The following CSTF1 variants were observed in gnomAD, a reference collection of about 807,000 sequenced individuals.
CSTF1 encodes CF-1 50 kDa subunit.
In CSTF1, 2 loss-of-function variants were observed where a neutral mutation model predicts 40.9. The ratio of observed to expected loss-of-function variants is 0.05; its 90% confidence interval spans 0.02 to 0.15. The LOEUF (loss-of-function observed/expected upper bound fraction) is 0.15, where lower values mean the gene tolerates loss of function less well. CSTF1 is among the 10% of genes least tolerant of loss of function. The pLI, the probability that CSTF1 is intolerant of heterozygous loss-of-function variation, is 1.00. For synonymous variants in CSTF1, 218 were observed against 207.2 expected, an observed-to-expected ratio of 1.05 and a Z score of -0.45; for missense variants, 279 against 558.9, an observed-to-expected ratio of 0.50 and a Z score of 5.05.
Position 56,394,297 on chromosome 20 carries a change from G to A in CSTF1, c.-32-1224G>A, listed in dbSNP as rs139468731. ...GTGTCATACAGTGTGTAAGAAATCA[G>A]GCTCTGGGCCAGGCGCAGTGGCTCG... On this transcript the variant is annotated intron_variant, in intron 1 of 5. Transcript: ENST00000217109. 2.6e-5 allele frequency among the ~76,000 whole-genome samples: 4 copies of A among 152,304 alleles called. No individual in the cohort carries two copies. The South Asian group carries it at 8.3e-4, about 32-fold the overall frequency.
At chr20:56,393,065 C>A (rs1036658032) in intron 1 of CSTF1, among the ~76,000 whole-genome samples, 2 of 151,962 alleles carry the variant, frequency 1.3e-5, no homozygotes, top group Admixed American at 6.6e-5. Flanking sequence ...TTCTGTTTAC[C>A]TGGCGAGTGA....
At chr20:56,395,847 A>G in intron 2 of CSTF1, 126 bp downstream of exon 2, 1 of 990,242 alleles carries the variant, frequency 1.0e-6, no homozygotes, top group Non-Finnish European at 1.5e-6. Context: ...TTCAGTAAGT[A>G]AGTAGTTCAG....
rs777593542 is a variant in CSTF1, at chr20:56,403,502, A to G, written c.1071A>G (p.Thr357=). The G allele has an allele frequency of 3.3e-5, 54 of 1,614,022 alleles. No individual in the cohort carries two copies. Among genetic ancestry groups the G allele is most frequent in the Admixed American group, 5.0e-5 (3 of 60,000 alleles). ...AGLSGRQVHR[T]QAVFNHTEDY... is the part of the protein sequence containing the mutation. ...TAAGTGGACGCCAGGTGCACCGGAC[A>G]CAGGCTGTGTTTAACCACACCGAGG... Residue 357 remains threonine (T), a synonymous_variant, in exon 6 of 6, where the codon ACA becomes ACG. Transcript: ENST00000217109.
chr20:56,397,785 C>T lies in CSTF1; in HGVS notation c.589C>T (p.Leu197Phe), dbSNP rs1203276889. 1 of 1,614,142 alleles carries T rather than the reference C, an allele frequency of 6.2e-7. No individual in the cohort carries two copies. ...ILASGSRDYT[L>F]KLFDYSKPSA... ...GGCTTCTGGTTCAAGGGATTATACT[C>T]TTAAATTATTTGATTATTCCAAACC... The change falls in exon 4 of 6, where the codon CTT becomes TTT. Residue 197 changes from leucine (L) to phenylalanine (F), a missense_variant. By Grantham distance (22) the Leu-to-Phe change is conservative (BLOSUM62 0). Transcript: ENST00000217109. The surrounding 1 kb of genome is among the most constrained non-coding windows in gnomAD (Gnocchi z 4.4).
intron 1 of CSTF1, among the ~76,000 whole-genome samples, chr20:56,393,137 C>T (rs1237060809): frequency 7.5e-6 from 1 of 134,094 alleles, no homozygotes; most frequent in Non-Finnish European, 1.6e-5. Flanking sequence ...TATATACACA[C>T]ACACACACAT....
chr20:56,395,058 A>G (rs1030686579), intron 1 of CSTF1, among the ~76,000 whole-genome samples: 5 of 152,232 alleles, frequency 3.3e-5, no homozygotes, highest in Non-Finnish European at 7.3e-5. Context: ...AATGAGCATA[A>G]AAGATTAGTA....
chr20:56,401,790 TCA>T (rs1978465482), intron 5 of CSTF1, among the ~76,000 whole-genome samples: 1 of 152,204 alleles, frequency 6.6e-6, no homozygotes, highest in South Asian at 2.1e-4. Context: ...TTCTTAATCC[TCA>T]CAGCCTTATG....
chr20:56,399,893 C>T lies in CSTF1; in HGVS notation c.1036+536C>T, dbSNP rs552339422. Among the ~76,000 whole-genome samples the T allele has an allele frequency of 2.1e-3, 325 of 152,282 alleles. No individual in the cohort carries two copies. Among genetic ancestry groups the T allele is most frequent in the Non-Finnish European group, 3.9e-3 (268 of 68,024 alleles). ...AATTCTCATTTATGTATGTTGGTCT[C>T]ATTGGTAACAGTAGTGCCTGTGGAG... On this transcript the variant is annotated intron_variant, in intron 5 of 5. Coordinates refer to ENST00000217109, the MANE Select transcript of CSTF1 (RefSeq NM_001324.3). This position sits in a 1 kb window ranked among gnomAD's most constrained non-coding sequence, Gnocchi z 4.6.
At chr20:56,402,715 T>TCA (rs1421576810) in intron 5 of CSTF1, among the ~76,000 whole-genome samples, 1 of 152,070 alleles carries the variant, frequency 6.6e-6, no homozygotes, top group African/African-American at 2.4e-5. Context: ...AGCAGGTGGA[T>TCA]CACAAGGTCA....
At position 56,399,472 on chromosome 20, in the gene CSTF1, G is replaced by A; in HGVS notation, c.1036+115G>A. The stretch of plus-strand genomic sequence containing the variant: ...TATCTATGCATTGAGCAAGGCAGAT[G>A]TTACCCTTTCTTAGATAAGAGGAAA... On this transcript the variant is annotated intron_variant, in intron 5 of 5. Transcript: ENST00000217109. The surrounding 1 kb of genome is among the most constrained non-coding windows in gnomAD (Gnocchi z 4.6). 2 of 965,672 alleles carry A rather than the reference G, an allele frequency of 2.1e-6. No homozygotes were observed. Among genetic ancestry groups the A allele is most frequent in the Middle Eastern group, 3.2e-4 (1 of 3,130 alleles). 59.8% of individuals were successfully genotyped at this position (965,672 alleles called of 1,614,324 possible). A position where few individuals can be genotyped will look rare whatever the true frequency, so the allele number is the denominator to read the frequency against.
At position 56,393,129 on chromosome 20, in the gene CSTF1, T is replaced by C. The variant is rs185731519; in HGVS notation, c.-33+416T>C. On this transcript the variant is annotated intron_variant, in intron 1 of 5. Coordinates refer to ENST00000217109, the MANE Select transcript of CSTF1 (RefSeq NM_001324.3). ...GTGGGCCACTTAAAATATATATATA[T>C]ATACACACACACACACATATACATA... Among the ~76,000 whole-genome samples the C allele has an allele frequency of 6.8e-3, 921 of 134,750 alleles. 9 individuals are homozygous for C. The highest frequency in any genetic ancestry group is 0.024 in the South Asian group (98 of 4,160). 88.4% of individuals were successfully genotyped at this position (134,750 alleles called of 152,430 possible).
chr20:56,397,904 A>G lies in CSTF1; in HGVS notation c.645+63A>G. On this transcript the variant is annotated intron_variant, in intron 4 of 5. Coordinates refer to ENST00000217109, the MANE Select transcript of CSTF1 (RefSeq NM_001324.3). This position sits in a 1 kb window ranked among gnomAD's most constrained non-coding sequence, Gnocchi z 4.4. ...AAATACAATGAGCTATTGTACAACT[A>G]TTCTCTTTTTAAAAGTAGTCTCAGT... 12 of 1,314,264 alleles carry G rather than the reference A, an allele frequency of 9.1e-6. No individual in the cohort carries two copies. The South Asian group carries it at 1.1e-4, about 12-fold the overall frequency. The allele number at this position is 1,314,264 out of a possible 1,614,324, so 81.4% of individuals were successfully genotyped here. A position where few individuals can be genotyped will look rare whatever the true frequency, so the allele number is the denominator to read the frequency against.
At chr20:56,394,251 T>C (rs1341935220) in intron 1 of CSTF1, among the ~76,000 whole-genome samples, 1 of 152,254 alleles carries the variant, frequency 6.6e-6, no homozygotes. Context: ...TTAATGTTAT[T>C]GGTTATTATT....
At chr20:56,402,395 C>G (rs904899636) in intron 5 of CSTF1, among the ~76,000 whole-genome samples, 1 of 151,700 alleles carries the variant, frequency 6.6e-6, no homozygotes, top group East Asian at 1.9e-4. Context: ...TGACTGTTAC[C>G]TCTGATGGGT....
chr20:56,401,735 A>G (rs563435949), intron 5 of CSTF1, among the ~76,000 whole-genome samples: 7 of 152,326 alleles, frequency 4.6e-5, no homozygotes, highest in African/African-American at 1.4e-4. Context: ...GCATGCTAAC[A>G]TGGGCTGAGC....
rs1235640047 is a variant in CSTF1, at chr20:56,406,333, G to A, written c.*2606G>A. 1 of 151,426 alleles carries A rather than the reference G, an allele frequency of 6.6e-6. No homozygotes were observed. Among genetic ancestry groups the A allele is most frequent in the Non-Finnish European group, 1.5e-5 (1 of 67,898 alleles). 9.4% of individuals were successfully genotyped at this position (151,426 alleles called of 1,614,324 possible). On this transcript the variant is annotated 3_prime_UTR_variant, in exon 6 of 6. Transcript: ENST00000217109. ...TGTGTTTTTTTTTTTTAAGATACGT[G>A]ATTTCTGAAATAAACTTTATATACA...
Position 56,399,109 on chromosome 20 carries a change from A to T in CSTF1, c.788A>T (p.Asp263Val). The change falls in exon 5 of 6, where the codon GAT becomes GTT. Residue 263 changes from aspartate (D) to valine (V), a missense_variant. By Grantham distance (152) the Asp-to-Val change is radical. Coordinates refer to ENST00000217109, the MANE Select transcript of CSTF1 (RefSeq NM_001324.3). The surrounding 1 kb of genome is among the most constrained non-coding windows in gnomAD (Gnocchi z 4.6). Reference protein sequence around the residue: ...VSCNPQDQHTDAICSVNYNSS... With the variant: ...VSCNPQDQHTVAICSVNYNSS... ...TGCAATCCTCAAGATCAACACACCGATGCTATATGTTCCGTTAATTACAAT... is the reference window on the plus strand; with the variant it reads ...TGCAATCCTCAAGATCAACACACCGTTGCTATATGTTCCGTTAATTACAAT... The T allele has an allele frequency of 6.2e-7, 1 of 1,614,182 alleles. No homozygotes were observed. Among genetic ancestry groups the T allele is most frequent in the Non-Finnish European group, 8.5e-7 (1 of 1,180,030 alleles).
chr20:56,395,634 A>T lies in CSTF1; in HGVS notation c.82A>T (p.Ile28Phe), dbSNP rs762208562. The change falls in exon 2 of 6, where the codon ATC (isoleucine) becomes TTC (phenylalanine). Residue 28 changes from isoleucine (I) to phenylalanine (F), a missense_variant. Physicochemically the swap from Ile to Phe is conservative, Grantham distance 21. Around this residue, in one of 4 missense-constraint regions of CSTF1, gnomAD observed 51 missense variants for 55.0 expected, o/e 0.93. Coordinates refer to ENST00000217109, the MANE Select transcript of CSTF1 (RefSeq NM_001324.3). ...TAGCCAGCTGCTATATGACGGCTAC[A>T]TCAGCATCGCCAATGGCCTCATCAA... ...IISQLLYDGY[I>F]SIANGLINEI... 1.9e-6 allele frequency: 3 copies of T among 1,614,202 alleles called. No individual in the cohort carries two copies. Among genetic ancestry groups the T allele is most frequent in the Non-Finnish European group, 2.5e-6 (3 of 1,180,026 alleles).
intron 2 of CSTF1, 73 bp downstream of exon 2, chr20:56,395,794 G>A: frequency 6.5e-7 from 1 of 1,528,666 alleles, no homozygotes; most frequent in South Asian, 1.2e-5. Flanking sequence ...AATTTTTCAA[G>A]ATTATTCTTG....
Sources: gnomAD v4.1 joint callset for allele counts (sites outside exome capture counted in the v4.1 genomes callset) on GRCh38, gnomAD v4.1.1 for gene constraint, gnomAD v4.1.1 regional missense constraint, Gnocchi (gnomAD v3.1) non-coding constraint, MANE v1.5 for transcripts, NCBI Gene and HGNC (gene_info 2026-07-23, HGNC 2026-07-21) for gene names.